Variants in SBF2 observed in about 807,000 individuals in gnomAD.
The protein encoded by SBF2 is myotubularin-related protein 13.
Under a neutral mutation model 225.2 loss-of-function variants are expected in SBF2, and 112 were observed. The observed-to-expected ratio is 0.50, with a 90% confidence interval of 0.43 to 0.58. SBF2 has a LOEUF of 0.58. Among genes scored for constraint, SBF2 ranks in the 20% least tolerant of loss-of-function variants. SBF2 has a pLI of 0.00. For missense variants in SBF2, 1,996 were observed against 2,206.2 expected (o/e 0.90, Z 1.91); for synonymous variants, 763 against 773.3 (o/e 0.99, Z 0.22).
At chr11:9,998,688 T>A (rs983095387) in intron 8 of SBF2, among the ~76,000 whole-genome samples, 28 of 152,332 alleles carry the variant, frequency 1.8e-4, no homozygotes, top group African/African-American at 6.0e-4. Flanking sequence ...TCCCTTAGAC[T>A]GAAATTATTA....
At chr11:9,995,847 A>G (rs1265962421) in intron 9 of SBF2, among the ~76,000 whole-genome samples, 6 of 140,838 alleles carry the variant, frequency 4.3e-5, no homozygotes, top group Non-Finnish European at 9.2e-5. Flanking sequence ...TTTGGTAGAG[A>G]CGGGGTTTCA....
intron 25 of SBF2, among the ~76,000 whole-genome samples, chr11:9,840,218 A>C (rs2133954494): frequency 6.6e-6 from 1 of 150,952 alleles, no homozygotes; most frequent in East Asian, 2.0e-4. Flanking sequence ...TGGGCAACCG[A>C]GCGAGACTTT....
At chr11:9,894,263 A>G (rs1369634970) in intron 17 of SBF2, among the ~76,000 whole-genome samples, 1 of 152,236 alleles carries the variant, frequency 6.6e-6, no homozygotes, top group Non-Finnish European at 1.5e-5. Context: ...TCACACCTGT[A>G]ATCCCAGCAC....
intron 2 of SBF2, among the ~76,000 whole-genome samples, chr11:10,079,817 A>G (rs1377450438): frequency 1.3e-5 from 2 of 152,164 alleles, no homozygotes; most frequent in South Asian, 2.1e-4. Context: ...TTAAGAGGGG[A>G]AAAAAAATTC....
At position 10,133,180 on chromosome 11, in the gene SBF2, C is replaced by T. The variant is rs542428064; in HGVS notation, c.141+60722G>A. Among the ~76,000 whole-genome samples the T allele has an allele frequency of 2.1e-3, 307 of 149,532 alleles. 7 individuals carry two copies. Among genetic ancestry groups the T allele is most frequent in the East Asian group, 5.0e-3 (23 of 4,574 alleles). On this transcript the variant is annotated intron_variant, in intron 2 of 39. Coordinates refer to ENST00000256190, the MANE Select transcript of SBF2 (RefSeq NM_030962.4). ...GGGTGCTGATTGGTGTATTTACAAT[C>T]CCTGAGCTAGATATAAAGACTCTCC...
At chr11:10,078,265 G>A (rs994529203) in intron 2 of SBF2, among the ~76,000 whole-genome samples, 3 of 152,160 alleles carry the variant, frequency 2.0e-5, no homozygotes, top group African/African-American at 7.2e-5. Context: ...TTGATCCAGT[G>A]ATCCCATTAC....
chr11:10,291,370 C>A (rs1349720760), intron 1 of SBF2, among the ~76,000 whole-genome samples: 3 of 152,160 alleles, frequency 2.0e-5, no homozygotes, highest in Non-Finnish European at 2.9e-5. Context: ...TCACCAGACA[C>A]TGAATCTGTC....
intron 16 of SBF2, among the ~76,000 whole-genome samples, chr11:9,946,607 T>C (rs1565043625): frequency 1.3e-5 from 2 of 152,022 alleles, no homozygotes; most frequent in Non-Finnish European, 2.9e-5. Context: ...TGCGCCACCA[T>C]GCCTGGCTAA....
chr11:10,226,597 G>C (rs1958567933), intron 1 of SBF2, among the ~76,000 whole-genome samples: 2 of 151,364 alleles, frequency 1.3e-5, no homozygotes, highest in Admixed American at 1.3e-4. Context: ...TTTTGTCCTT[G>C]TGATAGTTTG....
intron 2 of SBF2, among the ~76,000 whole-genome samples, chr11:10,046,881 A>C (rs1044324226): frequency 4.2e-5 from 6 of 141,996 alleles, no homozygotes; most frequent in African/African-American, 1.6e-4. Context: ...TGAAAGGACA[A>C]AAAAAAAAAA....
chr11:9,878,706 C>A (rs1859495733), intron 17 of SBF2, among the ~76,000 whole-genome samples: 1 of 152,082 alleles, frequency 6.6e-6, no homozygotes, highest in African/African-American at 2.4e-5. Context: ...TACATATTTC[C>A]CAGAGGCTTG....
chr11:10,173,109 T>C (rs1444744166), intron 2 of SBF2, among the ~76,000 whole-genome samples: 1 of 152,248 alleles, frequency 6.6e-6, no homozygotes, highest in Non-Finnish European at 1.5e-5. Context: ...AGATACTTGA[T>C]ATTATTTCAA....
chr11:10,093,722 C>A (rs1011227747), intron 2 of SBF2, among the ~76,000 whole-genome samples: 1 of 152,206 alleles, frequency 6.6e-6, no homozygotes, highest in Non-Finnish European at 1.5e-5. Flanking sequence ...AAAGTACATT[C>A]TCTTTTGCTA....
At chr11:10,081,155 C>T (rs1466070883) in intron 2 of SBF2, among the ~76,000 whole-genome samples, 1 of 152,038 alleles carries the variant, frequency 6.6e-6, no homozygotes, top group Non-Finnish European at 1.5e-5. Flanking sequence ...TTCTCCAAGA[C>T]AGTAACTATA....
intron 1 of SBF2, among the ~76,000 whole-genome samples, chr11:10,256,830 C>T (rs551605997): frequency 6.6e-6 from 1 of 152,270 alleles, no homozygotes; most frequent in East Asian, 1.9e-4. Context: ...AAAATCTTTT[C>T]TCTAAATTGA....
intron 2 of SBF2, among the ~76,000 whole-genome samples, chr11:10,115,627 C>G (rs975908910): frequency 1.9e-4 from 29 of 152,160 alleles, no homozygotes; most frequent in African/African-American, 6.8e-4. Context: ...TGCAACTCTT[C>G]CCACCTATTT....
At chr11:9,949,812 A>G (rs1345009510) in intron 16 of SBF2, among the ~76,000 whole-genome samples, 1 of 152,204 alleles carries the variant, frequency 6.6e-6, no homozygotes, top group Non-Finnish European at 1.5e-5. Context: ...ACAAAAGACA[A>G]AAACAATGAA....
chr11:9,863,365 G>A (rs746844823), intron 17 of SBF2, among the ~76,000 whole-genome samples: 4 of 152,190 alleles, frequency 2.6e-5, no homozygotes, highest in Non-Finnish European at 1.5e-5. Flanking sequence ...GGGAGCTCAG[G>A]GAAAACCAGA....
chr11:10,135,204 G>A (rs561321719), intron 2 of SBF2, among the ~76,000 whole-genome samples: 11 of 152,326 alleles, frequency 7.2e-5, no homozygotes, highest in Non-Finnish European at 1.3e-4. Context: ...CACTGCTAGA[G>A]CAGCTAGGAG....
Sources: gnomAD v4.1 joint callset for allele counts (sites outside exome capture counted in the v4.1 genomes callset) on GRCh38, gnomAD v4.1.1 for gene constraint, MANE v1.5 for transcripts, NCBI Gene and HGNC (gene_info 2026-07-23, HGNC 2026-07-21) for gene names.